The following ADCY3 variants were observed in gnomAD, a reference collection of about 807,000 sequenced individuals.
The protein encoded by ADCY3 is adenylate cyclase 3.
A neutral mutation model predicts 119.4 loss-of-function variants in ADCY3; 70 were observed. The observed-to-expected ratio is 0.59, with a 90% CI of 0.48 to 0.72. The LOEUF is 0.72. ADCY3 is among the 30% of genes least tolerant of loss of function. ADCY3 has a pLI of 0.00. For missense variants in ADCY3, 1,238 were observed against 1,541.6 expected (o/e 0.80, Z 3.30); for synonymous variants, 672 against 621.4 (o/e 1.08, Z -1.21).
Position 24,834,265 on chromosome 2 carries a change from A to G in ADCY3, c.1967+220T>C, listed in dbSNP as rs1455916978. On this transcript the variant is annotated intron_variant, in intron 11 of 21. Transcript: ENST00000679454. This position sits in a 1 kb window ranked among gnomAD's most constrained non-coding sequence, Gnocchi z 4.2. ...TGATCCTGGCCAGATCCCCATTCTG[A>G]CGCTAGGACTGCTCCAAAACGCGGG... is the stretch of plus-strand genomic sequence containing the variant. Among the ~76,000 whole-genome samples, 1 of 152,092 alleles carries G rather than the reference A, an allele frequency of 6.6e-6. No homozygotes were observed. Among genetic ancestry groups the G allele is most frequent in the Non-Finnish European group, 1.5e-5 (1 of 67,992 alleles).
intron 3 of ADCY3, among the ~76,000 whole-genome samples, chr2:24,844,739 G>C (rs1671468979): frequency 6.6e-6 from 1 of 152,216 alleles, no homozygotes; most frequent in Non-Finnish European, 1.5e-5. Context: ...CTTTCTTGCA[G>C]GGAATCACAC....
At position 24,865,443 on chromosome 2, in the gene ADCY3, A is replaced by G. The variant is rs554116023; in HGVS notation, c.825+7127T>C. 1.3e-4 allele frequency among the ~76,000 whole-genome samples: 20 copies of G among 151,656 alleles called. No individual in the cohort carries two copies. In the South Asian group the frequency reaches 4.2e-3, roughly 32 times the overall value. The stretch of plus-strand genomic sequence containing the variant: ...AGCAACAGAGTGAGACTCTGTCTCA[A>G]AAAAAGAAAAATAGATTTAGTACAA... On this transcript the variant is annotated intron_variant, in intron 3 of 21. Transcript: ENST00000679454.
Position 24,878,056 on chromosome 2 carries a change from T to C in ADCY3, c.676-5337A>G. Reference sequence around the variant, plus strand: ...GTCCACAGCCCCTGGGGTCTCTATTTATAGATCTTTTTACAAGTTTCTTAA... The same window carrying C: ...GTCCACAGCCCCTGGGGTCTCTATTCATAGATCTTTTTACAAGTTTCTTAA... On this transcript the variant is annotated intron_variant, in intron 2 of 21. Coordinates refer to ENST00000679454, the MANE Select transcript of ADCY3 (RefSeq NM_004036.5). This position sits in a 1 kb window ranked among gnomAD's most constrained non-coding sequence, Gnocchi z 4.0. The C allele has an allele frequency of 3.2e-6, 1 of 313,882 alleles. No individual in the cohort carries two copies. Among genetic ancestry groups the C allele is most frequent in the Non-Finnish European group, 6.9e-6 (1 of 145,050 alleles). 19.4% of individuals were successfully genotyped at this position (313,882 alleles called of 1,614,324 possible).
intron 3 of ADCY3, among the ~76,000 whole-genome samples, chr2:24,859,743 T>C (rs1673414569): frequency 6.6e-6 from 1 of 152,110 alleles, no homozygotes; most frequent in Admixed American, 6.5e-5. Context: ...CCATCCCTAG[T>C]AACAGGTGAC....
chr2:24,920,117 G>A lies in ADCY3; in HGVS notation c.-632C>T, dbSNP rs1181500535. ...CCCGGCGGGAGCGCGGGCCGAGCCC[G>A]GGGAAGCCCGCCAGCATCCTCTCGC... On this transcript the variant is annotated 5_prime_UTR_variant, in exon 1 of 22. Coordinates refer to ENST00000679454, the MANE Select transcript of ADCY3 (RefSeq NM_004036.5). The surrounding 1 kb of genome is among the most constrained non-coding windows in gnomAD (Gnocchi z 4.5). Among the ~76,000 whole-genome samples the A allele has an allele frequency of 6.8e-6, 1 of 146,332 alleles. No individual in the cohort carries two copies. Among genetic ancestry groups the A allele is most frequent in the African/African-American group, 2.5e-5 (1 of 40,752 alleles).
At position 24,918,375 on chromosome 2, in the gene ADCY3, G is replaced by A. The variant is rs773574478; in HGVS notation, c.613C>T (p.Leu205=). 2 of 1,611,384 alleles carry A rather than the reference G, an allele frequency of 1.2e-6. No homozygotes were observed. The highest frequency in any genetic ancestry group is 2.7e-5 in the African/African-American group (2 of 74,834). Residue 205 remains leucine (L), a synonymous_variant, in exon 2 of 22, where the codon CTG becomes TTG. Transcript: ENST00000679454. The surrounding 1 kb of genome is among the most constrained non-coding windows in gnomAD (Gnocchi z 5.4). ...VVSCVVHTLV[L]GVTVAQQQQE... ...TGCTGCTGGGCCACGGTGACCCCCA[G>A]GACCAACGTGTGCACCACACAGGAG...
At chr2:24,859,549 A>T (rs1421459860) in intron 3 of ADCY3, among the ~76,000 whole-genome samples, 1 of 152,192 alleles carries the variant, frequency 6.6e-6, no homozygotes, top group Non-Finnish European at 1.5e-5. Flanking sequence ...GTCTTGGGGG[A>T]AACAGTGACC....
intron 15 of ADCY3, among the ~76,000 whole-genome samples, chr2:24,827,251 T>A (rs1418869397): frequency 6.6e-6 from 1 of 152,214 alleles, no homozygotes; most frequent in African/African-American, 2.4e-5. Flanking sequence ...TACTGCCTGC[T>A]GCAGGCTCAG....
At position 24,872,543 on chromosome 2, in the gene ADCY3, A is replaced by T. The variant is rs756666636; in HGVS notation, c.825+27T>A. The T allele has an allele frequency of 6.2e-7, 1 of 1,609,892 alleles. No individual in the cohort carries two copies. Among genetic ancestry groups the T allele is most frequent in the South Asian group, 1.1e-5 (1 of 90,480 alleles). On this transcript the variant is annotated intron_variant, in intron 3 of 21. Transcript: ENST00000679454. The surrounding 1 kb of genome is among the most constrained non-coding windows in gnomAD (Gnocchi z 4.4). ...GCCACAGTCCCTGAGCCCAAGCTCC[A>T]GGCCCGAGGCCTCCCGAGAGCCTCA...
chr2:24,919,496 C>T lies in ADCY3; in HGVS notation c.-198+187G>A, dbSNP rs1329640160. The T allele has an allele frequency of 6.4e-6, 1 of 155,352 alleles. No individual in the cohort carries two copies. The highest frequency in any genetic ancestry group is 1.4e-5 in the Non-Finnish European group (1 of 70,308). The allele number at this position is 155,352 out of a possible 1,614,324, so 9.6% of individuals were successfully genotyped here. ...CACCTAAATTCCCTCCAGGCCCAGT[C>T]CTTAGAAGCTGTAAATAAAATGTGC... On this transcript the variant is annotated intron_variant, in intron 1 of 21. Transcript: ENST00000679454. The surrounding 1 kb of genome is among the most constrained non-coding windows in gnomAD (Gnocchi z 5.5).
At chr2:24,910,826 T>C (rs1389894840) in intron 2 of ADCY3, among the ~76,000 whole-genome samples, 2 of 152,080 alleles carry the variant, frequency 1.3e-5, no homozygotes, top group Non-Finnish European at 1.5e-5. Context: ...TTTTGTATTT[T>C]AATAGAGATA....
chr2:24,858,165 A>ATTTTT (rs113840547), intron 3 of ADCY3, among the ~76,000 whole-genome samples: 20 of 149,214 alleles, frequency 1.3e-4, no homozygotes, highest in East Asian at 3.9e-4. Flanking sequence ...CCATGCCTGG[A>ATTTTT]TTTTTTTTAA....
intron 2 of ADCY3, among the ~76,000 whole-genome samples, chr2:24,913,234 C>T (rs1664016076): frequency 6.6e-6 from 1 of 152,238 alleles, no homozygotes; most frequent in Non-Finnish European, 1.5e-5. Context: ...GCACCTCACA[C>T]CAGCTCCTGT....
intron 2 of ADCY3, among the ~76,000 whole-genome samples, chr2:24,888,996 G>A (rs972830243): frequency 6.6e-6 from 1 of 152,178 alleles, no homozygotes; most frequent in Non-Finnish European, 1.5e-5. Context: ...GCGACAGAGC[G>A]AGACTCTGTC....
chr2:24,881,814 T>A (rs901246360), intron 2 of ADCY3, among the ~76,000 whole-genome samples: 1 of 151,816 alleles, frequency 6.6e-6, no homozygotes, highest in African/African-American at 2.4e-5. Context: ...TTCCACAGTG[T>A]GTCTGGAGAC....
chr2:24,893,747 A>G (rs946076718), intron 2 of ADCY3, among the ~76,000 whole-genome samples: 1 of 151,842 alleles, frequency 6.6e-6, no homozygotes, highest in Non-Finnish European at 1.5e-5. Context: ...AGCTGGGACT[A>G]CAGGCACACA....
chr2:24,840,152 A>C, intron 6 of ADCY3, 121 bp from the exon 7 acceptor site: 2 of 1,347,238 alleles, frequency 1.5e-6, no homozygotes, highest in Non-Finnish European at 2.0e-6. Flanking sequence ...GGGGCCTGGC[A>C]AGGTCCCCAC....
intron 2 of ADCY3, among the ~76,000 whole-genome samples, chr2:24,914,364 C>G (rs1664172251): frequency 6.6e-6 from 1 of 152,178 alleles, no homozygotes; most frequent in Non-Finnish European, 1.5e-5. Context: ...CCAGTTATCA[C>G]CCATCTCTGT....
chr2:24,861,782 A>G (rs975914694), intron 3 of ADCY3, among the ~76,000 whole-genome samples: 9 of 152,192 alleles, frequency 5.9e-5, no homozygotes, highest in Non-Finnish European at 1.3e-4. Context: ...AAGGATGCAC[A>G]GGCCCCAGCC....
Sources: gnomAD v4.1 joint callset for allele counts (sites outside exome capture counted in the v4.1 genomes callset) on GRCh38, gnomAD v4.1.1 for gene constraint, Gnocchi (gnomAD v3.1) non-coding constraint, MANE v1.5 for transcripts, NCBI Gene and HGNC (gene_info 2026-07-23, HGNC 2026-07-21) for gene names.